STS: variants seen among roughly 807,000 people sequenced by gnomAD.
The protein encoded by STS is steroid sulfatase.
STS carries 7 observed loss-of-function variants against 26.8 expected under a neutral mutation model. That is an observed-to-expected ratio of 0.26 (90% confidence interval 0.15 to 0.49). The LOEUF (loss-of-function observed/expected upper bound fraction) is 0.49. Ranked by LOEUF, STS falls within the 20% of genes least tolerant of loss-of-function variation. STS has a pLI of 0.98. For missense variants in STS, 434 were observed against 465.6 expected, an observed-to-expected ratio of 0.93 and a Z score of 0.63; for synonymous variants, 199 against 189.4, an observed-to-expected ratio of 1.05 and a Z score of -0.42.
intron 2 of STS, among the ~76,000 whole-genome samples, chrX:7,242,644 G>A (rs1310309111): frequency 2.7e-5 from 3 of 111,443 alleles, no homozygotes; most frequent in Admixed American, 9.5e-5. Context: ...TCCTAAGTGT[G>A]TAGTTTTATC....
At chrX:7,270,425 A>G (rs1924209861) in intron 6 of STS, among the ~76,000 whole-genome samples, 2 of 111,732 alleles carry the variant, frequency 1.8e-5, no homozygotes, top group Non-Finnish European at 3.8e-5. Context: ...GTTACACCCC[A>G]GGTGTGTGCA....
chrX:7,304,092 C>A (rs1172025987), intron 7 of STS, among the ~76,000 whole-genome samples: 1 of 111,642 alleles, frequency 9.0e-6, no homozygotes, highest in Non-Finnish European at 1.9e-5. Flanking sequence ...CTGATTCTCA[C>A]TGAGTCTATC....
chrX:7,167,297 C>T, intron 1 of STS, among the ~76,000 whole-genome samples: 1 of 111,455 alleles, frequency 9.0e-6, no homozygotes, highest in Middle Eastern at 4.6e-3. Flanking sequence ...CTCACTGCAA[C>T]CTCTGCCTCC....
At chrX:7,172,935 A>T (rs1426673604) in intron 1 of STS, among the ~76,000 whole-genome samples, 1 of 111,294 alleles carries the variant, frequency 9.0e-6, no homozygotes, top group Non-Finnish European at 1.9e-5. Context: ...AGTGTTATTC[A>T]CTTTGTTTTA....
At chrX:7,318,943 T>A (rs2147154179) in intron 8 of STS, among the ~76,000 whole-genome samples, 1 of 111,877 alleles carries the variant, frequency 8.9e-6, no homozygotes, top group African/African-American at 3.2e-5. Context: ...TGGCAGGCTG[T>A]GATATTTCCA....
intron 3 of STS, among the ~76,000 whole-genome samples, chrX:7,256,223 C>T (rs1241918413): frequency 8.9e-6 from 1 of 111,778 alleles, no homozygotes; most frequent in Non-Finnish European, 1.9e-5. Context: ...GGTCCAAAAA[C>T]TAAAAGATAT....
intron 6 of STS, among the ~76,000 whole-genome samples, 160 bp from the exon 7 acceptor site, chrX:7,275,791 C>G (rs924800888): frequency 1.8e-5 from 2 of 111,537 alleles, no homozygotes; most frequent in Admixed American, 1.9e-4. Context: ...TTACCTTTCT[C>G]TGACAGAAGA....
At chrX:7,311,240 A>G (rs1283424517) in intron 8 of STS, among the ~76,000 whole-genome samples, 1 of 103,042 alleles carries the variant, frequency 9.7e-6, no homozygotes, top group Non-Finnish European at 2.0e-5. Flanking sequence ...TTGTTCTCAC[A>G]CTCCGTTCTC....
chrX:7,182,412 C>T (rs1933698390), intron 1 of STS, among the ~76,000 whole-genome samples: 3 of 109,116 alleles, frequency 2.7e-5, no homozygotes, highest in African/African-American at 1.0e-4. Context: ...TGCATCAAGG[C>T]CTCCTGGAGA....
rs1011674816 is a variant in STS at position 7,285,864 on chromosome X, C to T, written c.943+9777C>T. 3.6e-5 allele frequency among the ~76,000 whole-genome samples: 4 copies of T among 111,716 alleles called. No individual in the cohort carries two copies. The East Asian group carries it at 1.1e-3, about 31-fold the overall frequency. On this transcript the variant is annotated intron_variant, in intron 7 of 10. Coordinates refer to ENST00000674429, the MANE Select transcript of STS (RefSeq NM_001320752.2). Reference sequence around the variant, plus strand: ...GGAGTCAGAATCTTTCCTTAATCCCCAATGCTTATAGGAGGACCTGATGAA... The same window carrying T: ...GGAGTCAGAATCTTTCCTTAATCCCTAATGCTTATAGGAGGACCTGATGAA...
intron 10 of STS, among the ~76,000 whole-genome samples, chrX:7,348,576 A>G (rs1339325938): frequency 8.9e-6 from 1 of 112,402 alleles, no homozygotes; most frequent in Non-Finnish European, 1.9e-5. Context: ...GTTTGAGAGC[A>G]GTCAGCTCCT....
chrX:7,239,454 G>T (rs185927785), intron 2 of STS, among the ~76,000 whole-genome samples: 294 of 111,740 alleles, frequency 2.6e-3, no homozygotes, highest in Middle Eastern at 9.3e-3. Flanking sequence ...TCTTTGCTGT[G>T]GTTAAAGTTT....
At chrX:7,218,915 T>C (rs763132553) in intron 2 of STS, among the ~76,000 whole-genome samples, 167 of 110,729 alleles carry the variant, frequency 1.5e-3, no homozygotes, top group African/African-American at 5.2e-3. Flanking sequence ...ATAAGAGATA[T>C]GTTGTGGTTA....
At chrX:7,322,390 T>TTC (rs536562385) in intron 8 of STS, among the ~76,000 whole-genome samples, 154 of 110,543 alleles carry the variant, frequency 1.4e-3, no homozygotes, top group African/African-American at 4.0e-3. Context: ...TCAATGCAGA[T>TTC]TCTCTCTCTC....
Position 7,336,080 on chromosome X carries a change from T to C in STS, c.1363+1973T>C, listed in dbSNP as rs1190184623. ...TACAGTAATATTCCTATCACTAAGA[T>C]ACCTGGCAGTCAATGGTAAGTGGTG... On this transcript the variant is annotated intron_variant, in intron 10 of 10. Transcript: ENST00000674429. 3.6e-5 allele frequency among the ~76,000 whole-genome samples: 4 copies of C among 111,741 alleles called. No homozygotes were observed. In the Admixed American group the frequency reaches 3.8e-4, roughly 11 times the overall value.
At chrX:7,256,435 A>G (rs1350860302) in intron 3 of STS, among the ~76,000 whole-genome samples, 1 of 111,689 alleles carries the variant, frequency 9.0e-6, no homozygotes, top group Non-Finnish European at 1.9e-5. Context: ...TAACCCATTT[A>G]TTGATGCTCA....
At chrX:7,172,030 T>C (rs1933478272) in intron 1 of STS, among the ~76,000 whole-genome samples, 1 of 112,015 alleles carries the variant, frequency 8.9e-6, no homozygotes, top group Non-Finnish European at 1.9e-5. Context: ...GGGAATATTC[T>C]CATCACCCAA....
chrX:7,344,656 C>G (rs976211615), intron 10 of STS, among the ~76,000 whole-genome samples: 1 of 111,464 alleles, frequency 9.0e-6, no homozygotes, highest in Admixed American at 9.5e-5. Context: ...TGTTCTGGAG[C>G]GCTTGAATTA....
At chrX:7,292,271 C>T (rs1925457591) in intron 7 of STS, among the ~76,000 whole-genome samples, 1 of 112,375 alleles carries the variant, frequency 8.9e-6, no homozygotes, top group Non-Finnish European at 1.9e-5. Flanking sequence ...CAGAACTTCC[C>T]GAGAGGGTGT....
Sources: gnomAD v4.1 joint callset for allele counts (sites outside exome capture counted in the v4.1 genomes callset) on GRCh38, gnomAD v4.1.1 for gene constraint, MANE v1.5 for transcripts, NCBI Gene and HGNC (gene_info 2026-07-23, HGNC 2026-07-21) for gene names.